Variants in FOXN2 observed in about 807,000 individuals in gnomAD.
FOXN2 encodes the protein forkhead box N2.
In FOXN2, 19 loss-of-function variants were observed where a neutral mutation model predicts 41.2. The ratio of observed to expected loss-of-function variants is 0.46; its 90% CI spans 0.32 to 0.68. FOXN2 has a LOEUF of 0.68. Among genes scored for constraint, FOXN2 ranks in the 30% least tolerant of loss-of-function variants. The probability of loss-of-function intolerance (pLI) is 0.03; values close to 1 mark genes in which losing one functional copy is unlikely to be tolerated. For missense variants in FOXN2, 587 were observed against 509.4 expected (o/e 1.15, Z -1.47); for synonymous variants, 195 against 176.8 (o/e 1.10, Z -0.82).
At chr2:48,363,238 G>A (rs1157673888) in intron 5 of FOXN2, among the ~76,000 whole-genome samples, 1 of 152,020 alleles carries the variant, frequency 6.6e-6, no homozygotes, top group East Asian at 1.9e-4. Flanking sequence ...GTGTGTATTT[G>A]TATCTTTGTT....
At position 48,376,001 on chromosome 2, in the gene FOXN2, A is replaced by G. The variant is rs1558646022; in HGVS notation, c.*558A>G. 6.6e-6 allele frequency: 1 copy of G among 152,542 alleles called. No homozygotes were observed. The highest frequency in any genetic ancestry group is 1.9e-4 in the East Asian group (1 of 5,188). The allele number at this position is 152,542 out of a possible 1,614,324, so 9.4% of individuals were successfully genotyped here. ...TAAATTGAAAAACATCCTGATGTTT[A>G]GAAAGTTTCTTTTGGTTACGTAGGT... On this transcript the variant is annotated 3_prime_UTR_variant, in exon 7 of 7. Coordinates refer to ENST00000340553, the MANE Select transcript of FOXN2 (RefSeq NM_002158.4).
chr2:48,336,700 T>G (rs1670385494), intron 2 of FOXN2, among the ~76,000 whole-genome samples: 1 of 151,994 alleles, frequency 6.6e-6, no homozygotes, highest in Admixed American at 6.5e-5. Flanking sequence ...TCCAAATACA[T>G]GTATGCCTTT....
chr2:48,330,559 T>C (rs1483932722), intron 2 of FOXN2, among the ~76,000 whole-genome samples: 2 of 152,146 alleles, frequency 1.3e-5, no homozygotes, highest in African/African-American at 2.4e-5. Flanking sequence ...TTTTTTAATA[T>C]TGGTTACTTG....
At chr2:48,315,574 G>T (rs572392489) in intron 1 of FOXN2, among the ~76,000 whole-genome samples, 47 of 152,342 alleles carry the variant, frequency 3.1e-4, no homozygotes, top group Admixed American at 9.1e-4. Flanking sequence ...TCCTGGCAAG[G>T]TGAGAGGTCT....
chr2:48,375,065 A>G lies in FOXN2; in HGVS notation c.918A>G (p.Ala306=). The G allele has an allele frequency of 1.2e-6, 2 of 1,614,088 alleles. No individual in the cohort carries two copies. The highest frequency in any genetic ancestry group is 8.5e-7 in the Non-Finnish European group (1 of 1,179,984). ...CAAAAGAAGATCACAATTACAGTGC[A>G]AGTAGCATGGCAGCACAGCGTTGTG... ...IDPKEDHNYS[A]SSMAAQRCAS... is the part of the protein sequence containing the mutation. The change falls in exon 7 of 7, where the codon GCA becomes GCG. Residue 306 remains alanine, a synonymous_variant. Coordinates refer to ENST00000340553, the MANE Select transcript of FOXN2 (RefSeq NM_002158.4).
chr2:48,314,932 C>G (rs1201935834), intron 1 of FOXN2, 118 bp downstream of exon 1: 1 of 151,906 alleles, frequency 6.6e-6, no homozygotes, highest in Non-Finnish European at 1.5e-5. Context: ...GGCGCGGAGG[C>G]GGCTGTCCCG....
intron 3 of FOXN2, among the ~76,000 whole-genome samples, chr2:48,347,463 A>G (rs1484292643): frequency 6.6e-6 from 1 of 151,670 alleles, no homozygotes; most frequent in Non-Finnish European, 1.5e-5. Context: ...TCCTGACCTC[A>G]AGTACCACCC....
At chr2:48,326,612 A>G (rs916623715) in intron 1 of FOXN2, among the ~76,000 whole-genome samples, 1 of 152,166 alleles carries the variant, frequency 6.6e-6, no homozygotes, top group African/African-American at 2.4e-5. Flanking sequence ...GAGCATCACT[A>G]ATGCAAAAAT....
rs181956378 is a variant in FOXN2 at position 48,375,699 on chromosome 2, A to G, written c.*256A>G. 29 of 321,228 alleles carry G rather than the reference A, an allele frequency of 9.0e-5. No individual in the cohort carries two copies. The East Asian group carries it at 1.4e-3, about 16-fold the overall frequency. 19.9% of individuals were successfully genotyped at this position (321,228 alleles called of 1,614,324 possible). The stretch of plus-strand genomic sequence containing the variant: ...GTGTCCAAGATTTGAAAATTTTTAT[A>G]TAAGAAAATCCCCAGCCTCTGTCTT... On this transcript the variant is annotated 3_prime_UTR_variant, in exon 7 of 7. Transcript: ENST00000340553.
intron 6 of FOXN2, among the ~76,000 whole-genome samples, 188 bp from the exon 7 acceptor site, chr2:48,374,732 A>C (rs1673122263): frequency 6.6e-6 from 1 of 152,176 alleles, no homozygotes; most frequent in Non-Finnish European, 1.5e-5. Context: ...GACATTGTTA[A>C]ATGGTTTTTA....
rs567700628 is a variant in FOXN2 at position 48,333,222 on chromosome 2, A to T, written c.-15+4520A>T. 1.8e-4 allele frequency among the ~76,000 whole-genome samples: 27 copies of T among 152,262 alleles called. No individual in the cohort carries two copies. The South Asian group carries it at 5.4e-3, about 30-fold the overall frequency. On this transcript the variant is annotated intron_variant, in intron 2 of 6. Coordinates refer to ENST00000340553, the MANE Select transcript of FOXN2 (RefSeq NM_002158.4). ...GTTTCTGATTTGAAGCCTCTTAGAAAAGAACCAGCAGAGGTTCTTCTGAAT... is the reference window on the plus strand; with the variant it reads ...GTTTCTGATTTGAAGCCTCTTAGAATAGAACCAGCAGAGGTTCTTCTGAAT...
chr2:48,318,152 T>C (rs1669058826), intron 1 of FOXN2, among the ~76,000 whole-genome samples: 1 of 152,230 alleles, frequency 6.6e-6, no homozygotes, highest in Non-Finnish European at 1.5e-5. Context: ...CAGTTTCTCC[T>C]GTTCAATTTC....
chr2:48,369,729 T>C (rs1211900264), intron 5 of FOXN2, among the ~76,000 whole-genome samples: 1 of 150,650 alleles, frequency 6.6e-6, no homozygotes, highest in Non-Finnish European at 1.5e-5. Flanking sequence ...AAAAAGAAAA[T>C]TTAGGCTGGG....
chr2:48,329,172 A>G (rs1353537415), intron 2 of FOXN2, among the ~76,000 whole-genome samples: 1 of 152,186 alleles, frequency 6.6e-6, no homozygotes, highest in Non-Finnish European at 1.5e-5. Flanking sequence ...GAGACGAATG[A>G]CTACACTTTT....
intron 1 of FOXN2, among the ~76,000 whole-genome samples, chr2:48,315,310 C>T (rs1454878170): frequency 1.3e-5 from 2 of 152,208 alleles, no homozygotes; most frequent in Non-Finnish European, 2.9e-5. Context: ...CCTCGTCCGG[C>T]CCCAGTTGGG....
chr2:48,341,933 A>G (rs1361999870), intron 2 of FOXN2, among the ~76,000 whole-genome samples: 1 of 152,236 alleles, frequency 6.6e-6, no homozygotes, highest in Non-Finnish European at 1.5e-5. Context: ...TGTACTAAGA[A>G]TATAAGAGGT....
upstream of FOXN2, among the ~76,000 whole-genome samples, chr2:48,314,032 A>G (rs562362431): frequency 1.3e-5 from 2 of 152,250 alleles, no homozygotes; most frequent in Admixed American, 1.3e-4. Flanking sequence ...TTTTTTCCCT[A>G]CTGCAAACAC....
At chr2:48,316,879 A>G (rs1025873439) in intron 1 of FOXN2, among the ~76,000 whole-genome samples, 1 of 152,242 alleles carries the variant, frequency 6.6e-6, no homozygotes, top group Admixed American at 6.5e-5. Flanking sequence ...AACTGTATAG[A>G]GAAGTTACAG....
chr2:48,325,911 C>T (rs1180001634), intron 1 of FOXN2, among the ~76,000 whole-genome samples: 10 of 138,266 alleles, frequency 7.2e-5, no homozygotes, highest in Admixed American at 4.0e-4. Flanking sequence ...TGCAGTGGTG[C>T]GATTTTGGCT....
Sources: allele counts gnomAD v4.1 joint callset (sites outside exome capture counted in the v4.1 genomes callset), GRCh38; gene constraint gnomAD v4.1.1; transcripts MANE v1.5; gene names NCBI Gene and HGNC (gene_info 2026-07-23, HGNC 2026-07-21).